The following HDLBP variants were observed in gnomAD, a reference collection of about 807,000 sequenced individuals.
The protein encoded by HDLBP is high density lipoprotein binding protein.
A neutral mutation model predicts 137.3 loss-of-function variants in HDLBP; 30 were observed. The observed-to-expected ratio is 0.22, with a 90% confidence interval of 0.16 to 0.30. The LOEUF (loss-of-function observed/expected upper bound fraction) is 0.30, where lower values mean the gene tolerates loss of function less well. Ranked by LOEUF, HDLBP falls within the 10% of genes least tolerant of loss-of-function variation. The probability of loss-of-function intolerance (pLI) is 1.00; values close to 1 mark genes in which losing one functional copy is unlikely to be tolerated. For synonymous variants in HDLBP, 606 were observed against 596.0 expected, an observed-to-expected ratio of 1.02 and a Z score of -0.24; for missense variants, 1,119 against 1,667.3, an observed-to-expected ratio of 0.67 and a Z score of 5.73.
In HDLBP at chr2:241,233,746, G is replaced by A; in HGVS notation, c.3288+74C>T. The A allele has an allele frequency of 6.4e-7, 1 of 1,565,690 alleles. No individual in the cohort carries two copies. Among genetic ancestry groups the A allele is most frequent in the Admixed American group, 1.7e-5 (1 of 59,288 alleles). ...CTCGAACCCCCATCTAGGCACATCT[G>A]GTTACTGCTCCCAAGTCACAGGAAA... On this transcript the variant is annotated intron_variant, in intron 24 of 27. Coordinates refer to ENST00000310931, the MANE Select transcript of HDLBP (RefSeq NM_005336.6). This position sits in a 1 kb window ranked among gnomAD's most constrained non-coding sequence, Gnocchi z 4.3.
chr2:241,233,695 A>G lies in HDLBP; in HGVS notation c.3288+125T>C. On this transcript the variant is annotated intron_variant, in intron 24 of 27. Coordinates refer to ENST00000310931, the MANE Select transcript of HDLBP (RefSeq NM_005336.6). The surrounding 1 kb of genome is among the most constrained non-coding windows in gnomAD (Gnocchi z 4.3). ...AACCTCAAGCCAGAATTAGGTCCTGAGAGACTTGCCACTCTCAACTTGGCC... is the reference window on the plus strand; with the variant it reads ...AACCTCAAGCCAGAATTAGGTCCTGGGAGACTTGCCACTCTCAACTTGGCC... The G allele has an allele frequency of 2.0e-6, 2 of 1,019,640 alleles. No homozygotes were observed. The highest frequency in any genetic ancestry group is 3.1e-5 in the South Asian group (2 of 64,748). The allele number at this position is 1,019,640 out of a possible 1,614,324, so 63.2% of individuals were successfully genotyped here.
At chr2:241,304,973 CATAT>C (rs1313425179) in intron 1 of HDLBP, among the ~76,000 whole-genome samples, 10 of 152,230 alleles carry the variant, frequency 6.6e-5, no homozygotes, top group Non-Finnish European at 1.3e-4. Flanking sequence ...TTACCATGAG[CATAT>C]ACATAGACAG....
Position 241,239,904 on chromosome 2 carries a change from G to A in HDLBP, c.2388C>T (p.Asn796=). 6.2e-7 allele frequency: 1 copy of A among 1,614,070 alleles called. No individual in the cohort carries two copies. The highest frequency in any genetic ancestry group is 8.5e-7 in the Non-Finnish European group (1 of 1,179,944). ...AQKELEALIQ[N]LDNVVEDSML... is the part of the protein sequence containing the mutation. ...GCCGCCGAGGCCCGCTCCCTACCAG[G>A]TTTTGGATCAAGGCCTCCAGCTCCT... The change falls in exon 18 of 28, where the codon AAC becomes AAT. Residue 796 remains asparagine (N), a synonymous_variant. Transcript: ENST00000310931. The surrounding 1 kb of genome is among the most constrained non-coding windows in gnomAD (Gnocchi z 4.6).
In HDLBP at chr2:241,229,377, C is replaced by T. The variant is rs933259771; in HGVS notation, c.*224G>A. 3 of 484,408 alleles carry T rather than the reference C, an allele frequency of 6.2e-6. No homozygotes were observed. Among genetic ancestry groups the T allele is most frequent in the Admixed American group, 3.5e-5 (1 of 28,746 alleles). The allele number at this position is 484,408 out of a possible 1,614,324, so 30.0% of individuals were successfully genotyped here. On this transcript the variant is annotated 3_prime_UTR_variant, in exon 28 of 28. Transcript: ENST00000310931. ...TTATCTTAGCACGAATGCTCATGAC[C>T]TTGGTTTAGTGTTAAACAGTGGAGC... is the stretch of plus-strand genomic sequence containing the variant.
chr2:241,229,390 T>C lies in HDLBP; in HGVS notation c.*211A>G, dbSNP rs2069444994. On this transcript the variant is annotated 3_prime_UTR_variant, in exon 28 of 28. Coordinates refer to ENST00000310931, the MANE Select transcript of HDLBP (RefSeq NM_005336.6). ...AATGCTCATGACCTTGGTTTAGTGT[T>C]AAACAGTGGAGCAGGTCCTGAGCGG... 3.9e-6 allele frequency: 2 copies of C among 512,818 alleles called. No homozygotes were observed. The highest frequency in any genetic ancestry group is 3.9e-5 in the African/African-American group (2 of 51,502). 31.8% of individuals were successfully genotyped at this position (512,818 alleles called of 1,614,324 possible).
rs2074211529 is a variant in HDLBP at position 241,272,819 on chromosome 2, G to C, written c.-102-4278C>G. On this transcript the variant is annotated intron_variant, in intron 1 of 27. Transcript: ENST00000310931. The surrounding 1 kb of genome is among the most constrained non-coding windows in gnomAD (Gnocchi z 5.6). ...CTTACTCGCCCCCCGCGCGGGAGAA[G>C]CCGGGACGCTCCGAGGCGCGGCGCC... 1 of 282,332 alleles carries C rather than the reference G, an allele frequency of 3.5e-6. No homozygotes were observed. The highest frequency in any genetic ancestry group is 5.3e-6 in the Non-Finnish European group (1 of 187,700). The allele number at this position is 282,332 out of a possible 1,614,324, so 17.5% of individuals were successfully genotyped here.
chr2:241,300,130 A>C (rs1256926214), intron 1 of HDLBP, among the ~76,000 whole-genome samples: 2 of 152,126 alleles, frequency 1.3e-5, no homozygotes, highest in Non-Finnish European at 2.9e-5. Flanking sequence ...AGAAAGCATC[A>C]AGAAAGCCAC....
intron 1 of HDLBP, among the ~76,000 whole-genome samples, chr2:241,305,809 G>C (rs1356954312): frequency 1.2e-4 from 18 of 151,206 alleles, no homozygotes. Flanking sequence ...GCCCAGGCTG[G>C]AGTGCAGTGG....
At chr2:241,301,794 A>G (rs1290563532) in intron 1 of HDLBP, among the ~76,000 whole-genome samples, 1 of 152,022 alleles carries the variant, frequency 6.6e-6, no homozygotes, top group Non-Finnish European at 1.5e-5. Context: ...ATTTTTCAAG[A>G]AAAAGATTTA....
intron 1 of HDLBP, among the ~76,000 whole-genome samples, chr2:241,289,457 G>A (rs2074938032): frequency 6.6e-6 from 1 of 152,074 alleles, no homozygotes; most frequent in Non-Finnish European, 1.5e-5. Context: ...CAAGCACAAC[G>A]TCCCCACCAA....
At position 241,247,006 on chromosome 2, in the gene HDLBP, C is replaced by T. The variant is rs781617689; in HGVS notation, c.1818+50G>A. 9.0e-6 allele frequency: 14 copies of T among 1,562,194 alleles called. No homozygotes were observed. The African/African-American group carries it at 1.8e-4, about 20-fold the overall frequency. On this transcript the variant is annotated intron_variant, in intron 15 of 27. Coordinates refer to ENST00000310931, the MANE Select transcript of HDLBP (RefSeq NM_005336.6). ...AGTCTAAAACCAAAATGGTGCAGGG[C>T]TACAGAGGACAAGGCAAGAAGAAGC...
At chr2:241,257,549 A>G (rs1359909472) in intron 5 of HDLBP, among the ~76,000 whole-genome samples, 2 of 152,214 alleles carry the variant, frequency 1.3e-5, no homozygotes, top group East Asian at 1.9e-4. Context: ...TGTTTCTAAT[A>G]GAAAAAAGGA....
rs367712272 is a variant in HDLBP at position 241,233,826 on chromosome 2, C to T, written c.3282G>A (p.Gly1094=). 6.2e-6 allele frequency: 10 copies of T among 1,614,200 alleles called. No homozygotes were observed. Among genetic ancestry groups the T allele is most frequent in the East Asian group, 2.2e-5 (1 of 44,890 alleles). ...CTCCAACCGAGGCTCTCACCTGGTT[C>T]CCATCGTCCTTATCAGGAAACTGGA... ...VNIQFPDKDD[G]NQPQDQITIT... Residue 1094 remains glycine (G), a synonymous_variant, in exon 24 of 28, where the codon GGG becomes GGA. Coordinates refer to ENST00000310931, the MANE Select transcript of HDLBP (RefSeq NM_005336.6). The surrounding 1 kb of genome is among the most constrained non-coding windows in gnomAD (Gnocchi z 4.3).
At chr2:241,304,697 G>T (rs1013408171) in intron 1 of HDLBP, among the ~76,000 whole-genome samples, 2 of 152,184 alleles carry the variant, frequency 1.3e-5, no homozygotes, top group African/African-American at 4.8e-5. Flanking sequence ...TTTCAGCACC[G>T]AATACCTATC....
chr2:241,267,585 T>C (rs1483640790), intron 2 of HDLBP: 2 of 1,535,562 alleles, frequency 1.3e-6, no homozygotes, highest in African/African-American at 2.7e-5. Context: ...CACCTCTTAA[T>C]GCTTACAAAA....
rs2069445993 is a variant in HDLBP at position 241,229,395 on chromosome 2, A to G, written c.*206T>C. 3.8e-6 allele frequency: 2 copies of G among 522,744 alleles called. No homozygotes were observed. The highest frequency in any genetic ancestry group is 2.0e-5 in the South Asian group (1 of 49,388). The allele number at this position is 522,744 out of a possible 1,614,324, so 32.4% of individuals were successfully genotyped here. On this transcript the variant is annotated 3_prime_UTR_variant, in exon 28 of 28. Transcript: ENST00000310931. Reference sequence around the variant, plus strand: ...TCATGACCTTGGTTTAGTGTTAAACAGTGGAGCAGGTCCTGAGCGGGCACG... The same window carrying G: ...TCATGACCTTGGTTTAGTGTTAAACGGTGGAGCAGGTCCTGAGCGGGCACG...
At chr2:241,246,407 G>C (rs2071685934) in intron 16 of HDLBP, among the ~76,000 whole-genome samples, 1 of 152,054 alleles carries the variant, frequency 6.6e-6, no homozygotes, top group Non-Finnish European at 1.5e-5. Context: ...CTATTACATT[G>C]TACACTGTAA....
intron 11 of HDLBP, among the ~76,000 whole-genome samples, chr2:241,251,179 G>A (rs556559717): frequency 2.6e-5 from 4 of 152,106 alleles, no homozygotes; most frequent in South Asian, 4.2e-4. Context: ...GGCTCATCTC[G>A]AACTCCTGGG....
At chr2:241,290,976 AGT>A (rs768417448) in intron 1 of HDLBP, among the ~76,000 whole-genome samples, 3 of 152,220 alleles carry the variant, frequency 2.0e-5, no homozygotes, top group Non-Finnish European at 2.9e-5. Context: ...CGCCTCTGAA[AGT>A]GTGTTTTAAC....
Sources: allele counts gnomAD v4.1 joint callset (sites outside exome capture counted in the v4.1 genomes callset), GRCh38; gene constraint gnomAD v4.1.1; non-coding constraint Gnocchi (gnomAD v3.1); transcripts MANE v1.5; gene names NCBI Gene and HGNC (gene_info 2026-07-23, HGNC 2026-07-21).